SGCD: variants seen among roughly 807,000 people sequenced by gnomAD.
SGCD encodes delta-sarcoglycan.
SGCD carries 18 observed loss-of-function variants against 36.6 expected under a neutral mutation model. The observed-to-expected ratio is 0.49, with a 90% confidence interval of 0.34 to 0.73. The LOEUF (loss-of-function observed/expected upper bound fraction) is 0.73. Among genes scored for constraint, SGCD ranks in the 30% least tolerant of loss-of-function variants. The pLI is 0.01. For missense variants in SGCD, 387 were observed against 346.7 expected (o/e 1.12, Z -0.92); for synonymous variants, 133 against 130.6 (o/e 1.02, Z -0.12).
intron 1 of SGCD, among the ~76,000 whole-genome samples, chr5:155,998,117 G>A (rs569433206): frequency 6.6e-6 from 1 of 152,320 alleles, no homozygotes; most frequent in East Asian, 1.9e-4. Context: ...CATTGCAGAT[G>A]CTGGATGCTT....
intron 1 of SGCD, among the ~76,000 whole-genome samples, chr5:156,006,569 G>T (rs1006696293): frequency 2.0e-5 from 3 of 152,008 alleles, no homozygotes; most frequent in Admixed American, 6.6e-5. Flanking sequence ...AAAATATTTT[G>T]TTTTGTTCAC....
chr5:156,576,550 A>C (rs2113312361), intron 4 of SGCD, among the ~76,000 whole-genome samples: 1 of 152,324 alleles, frequency 6.6e-6, no homozygotes, highest in East Asian at 1.9e-4. Flanking sequence ...AACAGTGTAA[A>C]AGCGTTCCTA....
intron 3 of SGCD, among the ~76,000 whole-genome samples, chr5:156,211,945 C>G (rs776121706): frequency 2.6e-5 from 4 of 151,970 alleles, no homozygotes. Context: ...TTAAAATAGC[C>G]TGTTATAATT....
chr5:155,888,901 T>C (rs1486276437), intron 1 of SGCD, among the ~76,000 whole-genome samples: 2 of 152,234 alleles, frequency 1.3e-5, no homozygotes, highest in Non-Finnish European at 2.9e-5. Flanking sequence ...TCTATGGCTT[T>C]GCTCTGACAA....
intron 4 of SGCD, among the ~76,000 whole-genome samples, chr5:156,585,026 T>C (rs1195335188): frequency 2.0e-5 from 3 of 152,296 alleles, no homozygotes; most frequent in Admixed American, 6.5e-5. Context: ...ACATGACCTC[T>C]CAAAGAAATC....
chr5:156,139,007 C>A (rs574284887), intron 3 of SGCD, among the ~76,000 whole-genome samples: 1 of 152,102 alleles, frequency 6.6e-6, no homozygotes, highest in African/African-American at 2.4e-5. Context: ...AAGTCTTTTG[C>A]CCAATTTTTA....
intron 1 of SGCD, among the ~76,000 whole-genome samples, chr5:155,942,211 T>C (rs1757338991): frequency 6.6e-6 from 1 of 151,738 alleles, no homozygotes; most frequent in Admixed American, 6.6e-5. Context: ...TGGAGGAGAG[T>C]CAATACTTGA....
chr5:155,779,229 A>G, the SGCD span, among the ~76,000 whole-genome samples: 1 of 152,002 alleles, frequency 6.6e-6, no homozygotes, highest in East Asian at 1.9e-4. Context: ...ACTTAAGTTG[A>G]GGAGTCCAAG....
In SGCD at chr5:156,730,760, A is replaced by T. The variant is rs187533448; in HGVS notation, c.576-26821A>T. Among the ~76,000 whole-genome samples the T allele has an allele frequency of 1.8e-3, 276 of 152,226 alleles. 1 individual carries two copies. The highest frequency in any genetic ancestry group is 6.3e-3 in the African/African-American group (262 of 41,550). On this transcript the variant is annotated intron_variant, in intron 7 of 8. Transcript: ENST00000337851. ...TACCCTGTAATGGGATTCCTGGGTC[A>T]AATGGTAGTTCTGTCTTTAGGTCTT...
chr5:155,773,009 C>T, the SGCD span, among the ~76,000 whole-genome samples: 6 of 152,240 alleles, frequency 3.9e-5, no homozygotes, highest in South Asian at 1.0e-3. Flanking sequence ...AGTAAGCACT[C>T]TCTACGTTAG....
intron 3 of SGCD, among the ~76,000 whole-genome samples, chr5:156,425,091 C>T (rs956934739): frequency 1.3e-5 from 2 of 152,082 alleles, no homozygotes; most frequent in Admixed American, 6.6e-5. Context: ...TCCCAAACTC[C>T]AGCGAAAGCC....
chr5:156,278,036 C>T (rs374950633), intron 3 of SGCD, among the ~76,000 whole-genome samples: 1 of 152,178 alleles, frequency 6.6e-6, no homozygotes, highest in South Asian at 2.1e-4. Flanking sequence ...GGGGAGGGAG[C>T]ATCAGATTGC....
At chr5:155,826,835 G>A in the SGCD span, among the ~76,000 whole-genome samples, 1 of 152,186 alleles carries the variant, frequency 6.6e-6, no homozygotes, top group Non-Finnish European at 1.5e-5. Context: ...GAATGAATGA[G>A]TAATACATCT....
chr5:156,298,107 G>A (rs1293460233), intron 3 of SGCD, among the ~76,000 whole-genome samples: 1 of 152,086 alleles, frequency 6.6e-6, no homozygotes, highest in Non-Finnish European at 1.5e-5. Flanking sequence ...ACAAATGACA[G>A]GATCTTATTT....
chr5:156,150,959 C>A (rs1762819561), intron 3 of SGCD, among the ~76,000 whole-genome samples: 1 of 150,928 alleles, frequency 6.6e-6, no homozygotes, highest in Admixed American at 6.6e-5. Flanking sequence ...CTTAAGATGA[C>A]TGGAAGAGGA....
chr5:156,396,115 T>C (rs1771836311), intron 3 of SGCD, among the ~76,000 whole-genome samples: 2 of 151,894 alleles, frequency 1.3e-5, no homozygotes, highest in African/African-American at 2.4e-5. Context: ...CCCGGAGGAG[T>C]TGTGCTTCCA....
intron 6 of SGCD, among the ~76,000 whole-genome samples, chr5:156,639,647 G>C (rs1762955589): frequency 6.6e-6 from 1 of 152,120 alleles, no homozygotes; most frequent in South Asian, 2.1e-4. Flanking sequence ...TCTGCCTTCA[G>C]CTTTTGATAG....
intron 3 of SGCD, among the ~76,000 whole-genome samples, chr5:156,471,968 CA>C (rs1056827440): frequency 6.7e-6 from 1 of 150,002 alleles, no homozygotes; most frequent in Non-Finnish European, 1.5e-5. Context: ...AAACACTGCA[CA>C]AAAGAAGATT....
chr5:156,264,382 G>A (rs1381595959), intron 3 of SGCD, among the ~76,000 whole-genome samples: 1 of 152,058 alleles, frequency 6.6e-6, no homozygotes, highest in Non-Finnish European at 1.5e-5. Flanking sequence ...TTGTCTGTTA[G>A]CATCAGCAGT....
Sources: gnomAD v4.1 joint callset for allele counts (sites outside exome capture counted in the v4.1 genomes callset) on GRCh38, gnomAD v4.1.1 for gene constraint, MANE v1.5 for transcripts, NCBI Gene and HGNC (gene_info 2026-07-23, HGNC 2026-07-21) for gene names.